The following PTPRZ1 variants were observed in gnomAD, a reference collection of about 807,000 sequenced individuals.
PTPRZ1 encodes the protein protein tyrosine phosphatase receptor type Z1.
Under a neutral mutation model 214.1 loss-of-function variants are expected in PTPRZ1, and 82 were observed. That is an observed-to-expected ratio of 0.38 (90% confidence interval 0.32 to 0.46). The LOEUF (loss-of-function observed/expected upper bound fraction) is 0.46, where lower values mean the gene tolerates loss of function less well. PTPRZ1 is among the 20% of genes least tolerant of loss of function. PTPRZ1 has a pLI of 1.00. For synonymous variants in PTPRZ1, 945 were observed against 987.9 expected, an observed-to-expected ratio of 0.96 and a Z score of 0.81; for missense variants, 2,603 against 2,748.7, an observed-to-expected ratio of 0.95 and a Z score of 1.19.
intron 28 of PTPRZ1, chr7:122,059,234 G>A: frequency 5.1e-6 from 1 of 197,928 alleles, no homozygotes; most frequent in East Asian, 1.1e-4. Context: ...AAATTTTCAG[G>A]AGCCAACCAG....
At chr7:121,977,135 G>A (rs1366835223) in intron 6 of PTPRZ1, among the ~76,000 whole-genome samples, 1 of 152,096 alleles carries the variant, frequency 6.6e-6, no homozygotes, top group Non-Finnish European at 1.5e-5. Context: ...TGCAATTAAA[G>A]CCTATTTATC....
At chr7:121,990,512 CTTTTT>C (rs758696565) in intron 8 of PTPRZ1, among the ~76,000 whole-genome samples, 56 of 73,466 alleles carry the variant, frequency 7.6e-4, no homozygotes, top group Non-Finnish European at 1.3e-3. Context: ...TGAAAACTGT[CTTTTT>C]TTTTTTTTTT....
chr7:122,054,464 T>G (rs1368403330), intron 26 of PTPRZ1, among the ~76,000 whole-genome samples: 1 of 152,132 alleles, frequency 6.6e-6, no homozygotes, highest in Non-Finnish European at 1.5e-5. Context: ...TAGGAAGGAC[T>G]TTTTTAGTAT....
chr7:121,983,878 T>G, intron 7 of PTPRZ1, 56 bp downstream of exon 7: 1 of 1,588,988 alleles, frequency 6.3e-7, no homozygotes, highest in Non-Finnish European at 8.6e-7. Context: ...AAAAACATTA[T>G]GTTCTAAGTT....
At chr7:121,954,012 C>A (rs1174403133) in intron 2 of PTPRZ1, among the ~76,000 whole-genome samples, 1 of 152,204 alleles carries the variant, frequency 6.6e-6, no homozygotes, top group African/African-American at 2.4e-5. Context: ...TCTGTCTCCA[C>A]CCCACAGCTA....
At chr7:122,024,752 G>A (rs931185298) in intron 13 of PTPRZ1, among the ~76,000 whole-genome samples, 1 of 152,130 alleles carries the variant, frequency 6.6e-6, no homozygotes. Context: ...TAGAATTGGT[G>A]TTTACCCACA....
At chr7:121,992,440 C>A (rs953105196) in intron 8 of PTPRZ1, among the ~76,000 whole-genome samples, 1 of 152,172 alleles carries the variant, frequency 6.6e-6, no homozygotes, top group Non-Finnish European at 1.5e-5. Flanking sequence ...CAGATCACAT[C>A]CATTCCTACG....
chr7:121,976,068 A>T, intron 4 of PTPRZ1, 105 bp from the exon 5 acceptor site: 1 of 683,290 alleles, frequency 1.5e-6, no homozygotes, highest in Non-Finnish European at 2.5e-6. Context: ...AGTTGTATAC[A>T]TGTAATTTAT....
rs747330442 is a variant in PTPRZ1, at chr7:122,013,497, A to G, written c.4451A>G (p.Asp1484Gly). The G allele has an allele frequency of 6.2e-7, 1 of 1,614,156 alleles. No individual in the cohort carries two copies. Among genetic ancestry groups the G allele is most frequent in the Admixed American group, 1.7e-5 (1 of 60,036 alleles). Residue 1484 changes from aspartate (D) to glycine (G), a missense_variant, in exon 12 of 30, where the codon GAT becomes GGT. By Grantham distance (94) the Asp-to-Gly change is moderately conservative. Coordinates refer to ENST00000393386, the MANE Select transcript of PTPRZ1 (RefSeq NM_002851.3). The stretch of plus-strand genomic sequence containing the variant: ...TCACTATCTGAGAATTCTGAAGAAG[A>G]TAATAGAGTCACAAGTGTATCCTCA... ...SYSLSENSEE[D>G]NRVTSVSSDS...
chr7:121,972,446 A>C, intron 3 of PTPRZ1, 95 bp from the exon 4 acceptor site: 1 of 1,238,642 alleles, frequency 8.1e-7, no homozygotes, highest in South Asian at 1.7e-5. Flanking sequence ...CAAATAAATG[A>C]TTTTTCTTAA....
chr7:121,897,480 T>G (rs190925324), intron 1 of PTPRZ1, among the ~76,000 whole-genome samples: 1 of 152,152 alleles, frequency 6.6e-6, no homozygotes, highest in Non-Finnish European at 1.5e-5. Flanking sequence ...AGTATGGACA[T>G]TTGTTCTTGT....
At chr7:121,978,842 A>G (rs1797519228) in intron 6 of PTPRZ1, among the ~76,000 whole-genome samples, 1 of 152,184 alleles carries the variant, frequency 6.6e-6, no homozygotes, top group African/African-American at 2.4e-5. Flanking sequence ...AAGTCTTTCT[A>G]AAGTCAAACG....
At chr7:121,951,197 C>A in intron 2 of PTPRZ1, among the ~76,000 whole-genome samples, 1 of 152,276 alleles carries the variant, frequency 6.6e-6, no homozygotes, top group Non-Finnish European at 1.5e-5. Context: ...GATCTAGAAT[C>A]AACTTATTTG....
intron 1 of PTPRZ1, among the ~76,000 whole-genome samples, chr7:121,890,089 C>T (rs1353551422): frequency 6.6e-6 from 1 of 152,198 alleles, no homozygotes; most frequent in Non-Finnish European, 1.5e-5. Flanking sequence ...ATGACTATCT[C>T]ATCCCTGTAT....
rs1440456378 is a variant in PTPRZ1 at position 122,053,891 on chromosome 7, C to T, written c.6253-19C>T. On this transcript the variant is annotated intron_variant, in intron 25 of 29. Transcript: ENST00000393386. ...AGGCATACGCCAGTGCTGTTTTTGT[C>T]TTCTCTTTGGTTTTGTAGGGCTATT... The T allele has an allele frequency of 6.2e-7, 1 of 1,610,730 alleles. No individual in the cohort carries two copies. Among genetic ancestry groups the T allele is most frequent in the African/African-American group, 1.3e-5 (1 of 74,892 alleles).
rs780786646 is a variant in PTPRZ1 at position 122,044,649 on chromosome 7, C to A, written c.6084+81C>A. On this transcript the variant is annotated intron_variant, in intron 23 of 29. Transcript: ENST00000393386. ...CTTCTCATTTGAGTTGACAGGGTCA[C>A]GTTGAGTGGGCAGTATGGGTACAAT... The A allele has an allele frequency of 1.7e-5, 25 of 1,439,696 alleles. No individual in the cohort carries two copies. The South Asian group carries it at 3.2e-4, about 18-fold the overall frequency. The allele number at this position is 1,439,696 out of a possible 1,614,324, so 89.2% of individuals were successfully genotyped here.
intron 11 of PTPRZ1, among the ~76,000 whole-genome samples, chr7:122,005,018 T>G (rs1236594524): frequency 6.6e-6 from 1 of 152,024 alleles, no homozygotes; most frequent in African/African-American, 2.4e-5. Context: ...TAACCAGTTC[T>G]TAACATTCTA....
chr7:122,039,590 T>C lies in PTPRZ1; in HGVS notation c.5637+2T>C, dbSNP rs1451485035. On this transcript the variant is annotated splice_donor_variant, in intron 20 of 29. Coordinates refer to ENST00000393386, the MANE Select transcript of PTPRZ1 (RefSeq NM_002851.3). LOFTEE classifies it high-confidence loss of function. ...CTAAGAAACACAAAAATAAAAAAGG[T>C]GAGTCAACAAAATGATGGGCATAAT... 2 of 1,612,856 alleles carry C rather than the reference T, an allele frequency of 1.2e-6. No individual in the cohort carries two copies. The highest frequency in any genetic ancestry group is 1.7e-6 in the Non-Finnish European group (2 of 1,179,708).
chr7:121,885,538 A>G (rs939050280), intron 1 of PTPRZ1, among the ~76,000 whole-genome samples: 1 of 152,174 alleles, frequency 6.6e-6, no homozygotes, highest in African/African-American at 2.4e-5. Flanking sequence ...GTATCCAATG[A>G]TGCCTCTGTC....
Sources: allele counts gnomAD v4.1 joint callset (sites outside exome capture counted in the v4.1 genomes callset), GRCh38; gene constraint gnomAD v4.1.1; transcripts MANE v1.5; gene names NCBI Gene and HGNC (gene_info 2026-07-23, HGNC 2026-07-21).